The following ATG4A variants were observed in gnomAD, a reference collection of about 807,000 sequenced individuals.
ATG4A encodes the protein cysteine protease ATG4A.
ATG4A carries 22 observed loss-of-function variants against 38.4 expected under a neutral mutation model. That is an observed-to-expected ratio of 0.57 (90% CI 0.41 to 0.82). The LOEUF (loss-of-function observed/expected upper bound fraction) is 0.82. Ranked by LOEUF, ATG4A falls within the 40% of genes least tolerant of loss-of-function variation. The pLI is 0.00. For synonymous variants in ATG4A, 86 were observed against 100.7 expected (o/e 0.85, Z 0.88); for missense variants, 220 against 290.0 (o/e 0.76, Z 1.75).
intron 9 of ATG4A, among the ~76,000 whole-genome samples, chrX:108,149,569 C>T (rs183949778): frequency 8.9e-6 from 1 of 112,817 alleles, no homozygotes; most frequent in East Asian, 2.8e-4. Flanking sequence ...AACTTACTAA[C>T]TTGCTAATAA....
chrX:108,132,783 G>T (rs760395810), intron 4 of ATG4A, among the ~76,000 whole-genome samples: 29 of 102,222 alleles, frequency 2.8e-4, no homozygotes, highest in African/African-American at 1.0e-3. Flanking sequence ...AGTTCTGGAA[G>T]TAGGGAGCAA....
intron 11 of ATG4A, 180 bp downstream of exon 11, chrX:108,152,038 T>C (rs751987510): frequency 3.0e-5 from 12 of 401,061 alleles, no homozygotes; most frequent in African/African-American, 2.5e-4. Context: ...TCGGGGAAAC[T>C]GAACAAAAAT....
chrX:108,141,077 T>TATAC (rs1273788729), intron 9 of ATG4A, among the ~76,000 whole-genome samples: 2 of 63,729 alleles, frequency 3.1e-5, no homozygotes, highest in Non-Finnish European at 5.8e-5. Flanking sequence ...TATACATATA[T>TATAC]ATATATATAT....
chrX:108,126,087 G>A lies in ATG4A; in HGVS notation c.21G>A (p.Lys7=). 2 of 1,179,481 alleles carry A rather than the reference G, an allele frequency of 1.7e-6. No individual in the cohort carries two copies. The highest frequency in any genetic ancestry group is 3.0e-5 in the East Asian group (1 of 33,560). MESVLS[K]YEDQITIFTD... ...TTCCTTTTCTTTCAGTTTTATCCAA[G>A]TATGAAGATCAGATTACTATTTTCA... Residue 7 remains lysine (K), a synonymous_variant, in exon 2 of 13, where the codon AAG becomes AAA. Transcript: ENST00000372232.
chrX:108,107,115 A>G (rs1267324521), intron 1 of ATG4A, among the ~76,000 whole-genome samples: 1 of 111,184 alleles, frequency 9.0e-6, no homozygotes, highest in Non-Finnish European at 1.9e-5. Flanking sequence ...CTTTAGTCCC[A>G]CACTGTTTCT....
chrX:108,123,055 C>G (rs1251136055), intron 1 of ATG4A, among the ~76,000 whole-genome samples: 1 of 111,759 alleles, frequency 8.9e-6, no homozygotes, highest in Non-Finnish European at 1.9e-5. Flanking sequence ...AGTCCCTTGG[C>G]CAAAACTGGG....
intron 9 of ATG4A, among the ~76,000 whole-genome samples, chrX:108,145,844 A>G (rs1287659715): frequency 8.9e-6 from 1 of 112,021 alleles, no homozygotes; most frequent in East Asian, 2.8e-4. Flanking sequence ...CACTGGGGAA[A>G]TGACCACGGG....
intron 1 of ATG4A, among the ~76,000 whole-genome samples, chrX:108,121,148 G>T (rs1247884465): frequency 1.8e-5 from 2 of 111,558 alleles, no homozygotes; most frequent in Admixed American, 1.9e-4. Flanking sequence ...TGAAGATGGG[G>T]CAAGGCCTGT....
chrX:108,099,648 T>C (rs1252431480), intron 1 of ATG4A, among the ~76,000 whole-genome samples: 1 of 112,289 alleles, frequency 8.9e-6, no homozygotes, highest in Non-Finnish European at 1.9e-5. Flanking sequence ...TTCAAGTCCA[T>C]GATCCATTTT....
chrX:108,104,421 T>C (rs1203918562), intron 1 of ATG4A, among the ~76,000 whole-genome samples: 1 of 111,130 alleles, frequency 9.0e-6, no homozygotes, highest in Non-Finnish European at 1.9e-5. Context: ...GATGTAATAT[T>C]CCTGGTTGGC....
chrX:108,131,256 A>G lies in ATG4A; in HGVS notation c.194-4A>G, dbSNP rs1388064405. On this transcript the variant is annotated splice_polypyrimidine_tract_variant and splice_region_variant and intron_variant, in intron 3 of 12. Coordinates refer to ENST00000372232, the MANE Select transcript of ATG4A (RefSeq NM_052936.5). ...ATATTAATTCCCTTCCATTTTGCCA[A>G]CAGGTGGAACGGGCCCTTCATCAGA... 1 of 1,209,887 alleles carries G rather than the reference A, an allele frequency of 8.3e-7. No homozygotes were observed. Among genetic ancestry groups the G allele is most frequent in the Admixed American group, 2.2e-5 (1 of 45,884 alleles).
intron 1 of ATG4A, among the ~76,000 whole-genome samples, chrX:108,099,516 T>C (rs2031937244): frequency 1.8e-5 from 2 of 111,662 alleles, no homozygotes; most frequent in African/African-American, 3.2e-5. Flanking sequence ...AACTTATTGA[T>C]TTTTTTCCCT....
Position 108,134,089 on chromosome X carries a change from A to T in ATG4A, c.325A>T (p.Lys109Ter). The T allele has an allele frequency of 8.3e-7, 1 of 1,205,961 alleles. No individual in the cohort carries two copies. The highest frequency in any genetic ancestry group is 1.1e-6 in the Non-Finnish European group (1 of 894,053). The change falls in exon 5 of 13, where the codon AAA becomes TAA. Residue 109 changes from lysine to a stop codon, truncating the protein, a stop_gained. Transcript: ENST00000372232. LOFTEE classifies it high-confidence loss of function. ...WSWEKQKEQP[K>*]EYQRILQCFL... ...CTGGGAGAAACAAAAAGAACAACCC[A>T]AAGAATACCAACGCATCCTACAGTG...
chrX:108,140,891 C>T (rs1421863599), intron 9 of ATG4A, among the ~76,000 whole-genome samples: 2 of 94,396 alleles, frequency 2.1e-5, no homozygotes, highest in East Asian at 6.3e-4. Context: ...TATACAAATA[C>T]ATACACAAAG....
chrX:108,110,282 A>T (rs2032321973), intron 1 of ATG4A, among the ~76,000 whole-genome samples: 1 of 107,419 alleles, frequency 9.3e-6, no homozygotes, highest in African/African-American at 3.4e-5. Flanking sequence ...AGGCAAGAGG[A>T]TCCCTTAAGC....
At chrX:108,129,253 GT>G (rs970385264) in intron 3 of ATG4A, among the ~76,000 whole-genome samples, 22 of 111,825 alleles carry the variant, frequency 2.0e-4, no homozygotes, top group South Asian at 3.7e-4. Flanking sequence ...TAATTTATTT[GT>G]TTTTTTTCCC....
At chrX:108,138,236 G>C (rs1414917574) in intron 9 of ATG4A, 45 bp downstream of exon 9, 1 of 1,116,783 alleles carries the variant, frequency 9.0e-7, no homozygotes, top group Non-Finnish European at 1.2e-6. Context: ...GGCTAGGGGA[G>C]GGCGTGGGGA....
chrX:108,151,869 A>C lies in ATG4A; in HGVS notation c.1017+11A>C, dbSNP rs1358126253. The C allele has an allele frequency of 8.5e-7, 1 of 1,178,884 alleles. No homozygotes were observed. Among genetic ancestry groups the C allele is most frequent in the East Asian group, 3.0e-5 (1 of 33,486 alleles). The stretch of plus-strand genomic sequence containing the variant: ...AGCCTTGTTCAGAAGGTAAAGCTAT[A>C]TGTTTTTCTTAGTCTGAAAAATGAA... On this transcript the variant is annotated intron_variant, in intron 11 of 12. Transcript: ENST00000372232.
At position 108,151,791 on chromosome X, in the gene ATG4A, T is replaced by C. The variant is rs2033594393; in HGVS notation, c.961-11T>C. ...GTAATTCTAAGTTGTGTTCTTTTGC[T>C]TTCCCCCAAGGGATTTTTCTGCAAA... On this transcript the variant is annotated splice_polypyrimidine_tract_variant and intron_variant, in intron 10 of 12. Coordinates refer to ENST00000372232, the MANE Select transcript of ATG4A (RefSeq NM_052936.5). 1.7e-6 allele frequency: 2 copies of C among 1,195,893 alleles called. No homozygotes were observed. The highest frequency in any genetic ancestry group is 2.3e-6 in the Non-Finnish European group (2 of 881,963).
Sources: gnomAD v4.1 joint callset for allele counts (sites outside exome capture counted in the v4.1 genomes callset) on GRCh38, gnomAD v4.1.1 for gene constraint, MANE v1.5 for transcripts, NCBI Gene and HGNC (gene_info 2026-07-23, HGNC 2026-07-21) for gene names.